ZNF609: variants seen among roughly 807,000 people sequenced by gnomAD.
ZNF609 encodes zinc finger protein 609.
A neutral mutation model predicts 109.5 loss-of-function variants in ZNF609; 11 were observed. The ratio of observed to expected loss-of-function variants is 0.10; its 90% CI spans 0.06 to 0.17. ZNF609 has a LOEUF of 0.17. Among genes scored for constraint, ZNF609 ranks in the 10% least tolerant of loss-of-function variants. ZNF609 has a pLI of 1.00. For missense variants in ZNF609, 1,559 were observed against 1,772.4 expected (o/e 0.88, Z 2.16); for synonymous variants, 646 against 662.0 (o/e 0.98, Z 0.37).
At chr15:64,496,819 C>CTT (rs574329418) in intron 1 of ZNF609, among the ~76,000 whole-genome samples, 53 of 146,044 alleles carry the variant, frequency 3.6e-4, no homozygotes, top group African/African-American at 1.3e-3. Context: ...TTTTTTCTTT[C>CTT]TTTTTTTTTT....
chr15:64,536,939 AAG>A (rs1191215523), intron 2 of ZNF609, among the ~76,000 whole-genome samples: 3 of 120,826 alleles, frequency 2.5e-5, no homozygotes, highest in Non-Finnish European at 3.6e-5. Flanking sequence ...AAAAAAAAAA[AAG>A]GCCGGGCACG....
chr15:64,623,895 C>T (rs1433902605), intron 3 of ZNF609, among the ~76,000 whole-genome samples: 2 of 152,154 alleles, frequency 1.3e-5, no homozygotes, highest in Non-Finnish European at 2.9e-5. Context: ...TCAGTCCCAT[C>T]ATGTCTCTGC....
chr15:64,494,558 T>C (rs550674609), intron 1 of ZNF609, among the ~76,000 whole-genome samples: 23 of 152,262 alleles, frequency 1.5e-4, no homozygotes, highest in African/African-American at 5.1e-4. Flanking sequence ...TTTTTCTTTT[T>C]GAGACAGAGT....
chr15:64,480,837 G>C (rs1209830780), intron 1 of ZNF609, among the ~76,000 whole-genome samples: 1 of 152,188 alleles, frequency 6.6e-6, no homozygotes, highest in Non-Finnish European at 1.5e-5. Context: ...TGCAAAATTA[G>C]GTCAGATAGT....
At chr15:64,493,033 G>A (rs534676855) in intron 1 of ZNF609, among the ~76,000 whole-genome samples, 4 of 152,262 alleles carry the variant, frequency 2.6e-5, no homozygotes, top group South Asian at 2.1e-4. Context: ...CCTATAAGAG[G>A]ATTGATCCAA....
At position 64,541,839 on chromosome 15, in the gene ZNF609, CAAA is replaced by C. The variant is rs59597800; in HGVS notation, c.747+41696_747+41698del. On this transcript the variant is annotated intron_variant, in intron 2 of 9. Coordinates refer to ENST00000326648, the MANE Select transcript of ZNF609 (RefSeq NM_015042.2). ...TGGGCGACAGAGCGAGACTCCAACTCAAAAAAAAAAAAAAAAAAAAAAAAAGTA... is the reference window on the plus strand; with the variant it reads ...TGGGCGACAGAGCGAGACTCCAACTCAAAAAAAAAAAAAAAAAAAAAAGTA... Among the ~76,000 whole-genome samples the C allele has an allele frequency of 1.9e-4, 8 of 42,204 alleles. No homozygotes were observed. In the South Asian group the frequency reaches 4.8e-3, roughly 25 times the overall value. The allele number at this position is 42,204 out of a possible 152,430, so 27.7% of individuals were successfully genotyped here.
intron 2 of ZNF609, among the ~76,000 whole-genome samples, chr15:64,618,453 C>G (rs1191883212): frequency 1.3e-5 from 2 of 152,160 alleles, no homozygotes; most frequent in Non-Finnish European, 2.9e-5. Context: ...CCTTAGGCGG[C>G]TTGTGTTAGC....
chr15:64,606,571 A>C (rs949819098), intron 2 of ZNF609, among the ~76,000 whole-genome samples: 7 of 151,586 alleles, frequency 4.6e-5, no homozygotes, highest in East Asian at 1.9e-4. Flanking sequence ...AAAAAAAAAA[A>C]AAAAAACAGA....
intron 2 of ZNF609, among the ~76,000 whole-genome samples, chr15:64,545,886 T>C (rs988312488): frequency 6.6e-6 from 1 of 152,228 alleles, no homozygotes; most frequent in Non-Finnish European, 1.5e-5. Context: ...TGTATAGATA[T>C]ACCACATTTG....
intron 2 of ZNF609, among the ~76,000 whole-genome samples, chr15:64,570,030 A>G (rs1595721787): frequency 6.6e-6 from 1 of 152,266 alleles, no homozygotes; most frequent in Non-Finnish European, 1.5e-5. Flanking sequence ...TTTCTTTCTT[A>G]CTTTTTAAAA....
chr15:64,600,010 C>G (rs1800097192), intron 2 of ZNF609, among the ~76,000 whole-genome samples: 1 of 152,138 alleles, frequency 6.6e-6, no homozygotes, highest in South Asian at 2.1e-4. Context: ...TATTTGTTTG[C>G]CAATTAATCT....
chr15:64,625,103 A>G (rs1167929347), intron 3 of ZNF609, among the ~76,000 whole-genome samples: 1 of 152,142 alleles, frequency 6.6e-6, no homozygotes, highest in African/African-American at 2.4e-5. Flanking sequence ...CATAGCACAC[A>G]TCACAGTTTG....
rs555350089 is a variant in ZNF609 at position 64,609,471 on chromosome 15, G to A, written c.748-13356G>A. 7.3e-5 allele frequency among the ~76,000 whole-genome samples: 11 copies of A among 150,780 alleles called. No individual in the cohort carries two copies. In the East Asian group the frequency reaches 1.8e-3, roughly 25 times the overall value. ...GCTGGGATTACAGGCATGAGCCACC[G>A]CGCCCGGCCGTATTTTTTTATAGAG... On this transcript the variant is annotated intron_variant, in intron 2 of 9. Transcript: ENST00000326648.
At chr15:64,511,959 C>T (rs1893738467) in intron 2 of ZNF609, among the ~76,000 whole-genome samples, 1 of 151,660 alleles carries the variant, frequency 6.6e-6, no homozygotes. Context: ...GTGATCCAAC[C>T]ACCTCAGCCT....
At chr15:64,463,954 C>CA (rs1348752636) in intron 1 of ZNF609, among the ~76,000 whole-genome samples, 2 of 152,096 alleles carry the variant, frequency 1.3e-5, no homozygotes, top group Non-Finnish European at 2.9e-5. Flanking sequence ...TTAGTGGCTT[C>CA]AGAGTTGGGC....
At chr15:64,524,191 CA>C (rs1443290041) in intron 2 of ZNF609, among the ~76,000 whole-genome samples, 1 of 152,124 alleles carries the variant, frequency 6.6e-6, no homozygotes, top group African/African-American at 2.4e-5. Context: ...CATCAGCAGT[CA>C]CCCTAATTCT....
At chr15:64,480,932 A>G (rs1893242750) in intron 1 of ZNF609, among the ~76,000 whole-genome samples, 1 of 152,182 alleles carries the variant, frequency 6.6e-6, no homozygotes, top group Non-Finnish European at 1.5e-5. Context: ...TACTCCCGAC[A>G]ATTGGCAGTT....
intron 3 of ZNF609, among the ~76,000 whole-genome samples, chr15:64,625,066 A>T (rs1016704785): frequency 1.3e-5 from 2 of 151,814 alleles, no homozygotes; most frequent in Non-Finnish European, 2.9e-5. Flanking sequence ...CCCAGTTTGT[A>T]CTCTTAAGGT....
intron 1 of ZNF609, among the ~76,000 whole-genome samples, chr15:64,478,623 C>T (rs932275227): frequency 1.3e-5 from 2 of 152,154 alleles, no homozygotes; most frequent in South Asian, 4.1e-4. Context: ...AGTGATCCCC[C>T]ACTTCCCAGA....
Sources: allele counts gnomAD v4.1 joint callset (sites outside exome capture counted in the v4.1 genomes callset), GRCh38; gene constraint gnomAD v4.1.1; transcripts MANE v1.5; gene names NCBI Gene and HGNC (gene_info 2026-07-23, HGNC 2026-07-21).